HDAC11: variants seen among roughly 807,000 people sequenced by gnomAD.
HDAC11 encodes histone deacetylase 11.
HDAC11 carries 23 observed loss-of-function variants against 41.1 expected under a neutral mutation model. The observed-to-expected ratio is 0.56, with a 90% CI of 0.40 to 0.79. HDAC11 has a LOEUF of 0.79. Among genes scored for constraint, HDAC11 ranks in the 30% least tolerant of loss-of-function variants. The pLI is 0.00. For missense variants in HDAC11, 402 were observed against 477.3 expected (o/e 0.84, Z 1.47); for synonymous variants, 187 against 186.6 (o/e 1.00, Z -0.02).
In HDAC11 at chr3:13,481,286, C is replaced by G. The variant is rs771994397; in HGVS notation, c.43C>G (p.Arg15Gly). 1 of 1,612,722 alleles carries G rather than the reference C, an allele frequency of 6.2e-7. No individual in the cohort carries two copies. The highest frequency in any genetic ancestry group is 8.5e-7 in the Non-Finnish European group (1 of 1,180,002). Reference protein sequence around the residue: ...TQLYQHVPETRWPIVYSPRYN... With the variant: ...TQLYQHVPETGWPIVYSPRYN... ...GCTGTACCAGCATGTGCCAGAGACA[C>G]GCTGGCCAATCGTGTACTCGCCGCG... Residue 15 changes from arginine to glycine, a missense_variant, in exon 2 of 10, where the codon CGC becomes GGC. Arg to Gly is a moderately radical substitution (Grantham distance 125). Coordinates refer to ENST00000295757, the MANE Select transcript of HDAC11 (RefSeq NM_024827.4).
At chr3:13,493,624 G>A (rs1701961725) in intron 3 of HDAC11, among the ~76,000 whole-genome samples, 1 of 152,274 alleles carries the variant, frequency 6.6e-6, no homozygotes, top group African/African-American at 2.4e-5. Flanking sequence ...GGTCTAGGGT[G>A]TTGGCAACCA....
Position 13,504,508 on chromosome 3 carries a change from G to A in HDAC11, c.869G>A (p.Arg290His), listed in dbSNP as rs753220024. The change falls in exon 10 of 10, where the codon CGT (arginine) becomes CAT (histidine). Residue 290 changes from arginine (R) to histidine (H), a missense_variant. By Grantham distance (29) the Arg-to-His change is conservative. Transcript: ENST00000295757. ...GATGAGCTGGTGTTCCGGATGGTCCGTGGCCGCCGGGTGCCCATCCTTATG... is the reference window on the plus strand; with the variant it reads ...GATGAGCTGGTGTTCCGGATGGTCCATGGCCGCCGGGTGCCCATCCTTATG... ...KRDELVFRMV[R>H]GRRVPILMVT... The A allele has an allele frequency of 1.9e-6, 3 of 1,613,442 alleles. No homozygotes were observed. Among genetic ancestry groups the A allele is most frequent in the South Asian group, 1.1e-5 (1 of 91,084 alleles).
chr3:13,491,068 TTGTG>T (rs58333021), intron 3 of HDAC11, among the ~76,000 whole-genome samples: 32,315 of 140,014 alleles, frequency 0.23, 3,986 homozygotes, highest in East Asian at 0.44. Context: ...GCTTTAATAG[TTGTG>T]TGTGTGTGTG....
chr3:13,480,419 G>A lies in HDAC11; in HGVS notation c.2+70G>A. On this transcript the variant is annotated intron_variant, in intron 1 of 9. Coordinates refer to ENST00000295757, the MANE Select transcript of HDAC11 (RefSeq NM_024827.4). This position sits in a 1 kb window ranked among gnomAD's most constrained non-coding sequence, Gnocchi z 4.6. ...CGGTGGGCGGGCGCGCTAGGGCGAGGGCGGGGACGGCCGGGCGGGCGCGCC... is the reference window on the plus strand; with the variant it reads ...CGGTGGGCGGGCGCGCTAGGGCGAGAGCGGGGACGGCCGGGCGGGCGCGCC... 1 of 992,454 alleles carries A rather than the reference G, an allele frequency of 1.0e-6. No individual in the cohort carries two copies. The allele number at this position is 992,454 out of a possible 1,614,324, so 61.5% of individuals were successfully genotyped here. A position where few individuals can be genotyped will look rare whatever the true frequency, so the allele number is the denominator to read the frequency against.
chr3:13,498,048 G>A (rs1245058853), intron 4 of HDAC11, among the ~76,000 whole-genome samples: 1 of 151,784 alleles, frequency 6.6e-6, no homozygotes, highest in African/African-American at 2.4e-5. Flanking sequence ...TAGAGACGGG[G>A]TTTCACCATG....
chr3:13,490,690 T>G (rs1435632431), intron 3 of HDAC11, among the ~76,000 whole-genome samples: 1 of 151,954 alleles, frequency 6.6e-6, no homozygotes. Flanking sequence ...CTGATTTTTT[T>G]GTGTTGATCT....
chr3:13,496,251 G>A (rs541750365), intron 3 of HDAC11, among the ~76,000 whole-genome samples: 2 of 152,332 alleles, frequency 1.3e-5, no homozygotes, highest in African/African-American at 2.4e-5. Context: ...GGACAAAGAG[G>A]CAATGCAGTG....
intron 3 of HDAC11, among the ~76,000 whole-genome samples, chr3:13,485,660 C>T (rs1701525100): frequency 6.6e-6 from 1 of 152,152 alleles, no homozygotes; most frequent in South Asian, 2.1e-4. Flanking sequence ...TAGTGGCATG[C>T]ACTTGTAGTC....
chr3:13,492,904 A>G (rs1701930538), intron 3 of HDAC11, among the ~76,000 whole-genome samples: 1 of 152,204 alleles, frequency 6.6e-6, no homozygotes, highest in African/African-American at 2.4e-5. Flanking sequence ...TTCCACCTCT[A>G]AGTCCTCATC....
In HDAC11 at chr3:13,501,951, G is replaced by T; in HGVS notation, c.552+18G>T. 6.2e-7 allele frequency: 1 copy of T among 1,611,388 alleles called. No homozygotes were observed. Among genetic ancestry groups the T allele is most frequent in the Non-Finnish European group, 8.5e-7 (1 of 1,177,768 alleles). Reference sequence around the variant, plus strand: ...CCCATCAGGTGAGTGCCCTGCAGGGGCTGGACTCTTAGGGGACCTGCCACC... The same window carrying T: ...CCCATCAGGTGAGTGCCCTGCAGGGTCTGGACTCTTAGGGGACCTGCCACC... On this transcript the variant is annotated intron_variant, in intron 7 of 9. Transcript: ENST00000295757.
At chr3:13,486,876 G>A (rs73140245) in intron 3 of HDAC11, among the ~76,000 whole-genome samples, 6,422 of 152,232 alleles carry the variant, frequency 0.042, 423 homozygotes, top group East Asian at 0.27. Flanking sequence ...ACTGCTCCTG[G>A]CCCTCATGTA....
At chr3:13,481,513 C>A in intron 2 of HDAC11, 119 bp downstream of exon 2, 1 of 1,125,464 alleles carries the variant, frequency 8.9e-7, no homozygotes, top group South Asian at 1.4e-5. Context: ...CCTCGGATGG[C>A]CTTCCACCCA....
At chr3:13,489,429 T>C (rs1701745572) in intron 3 of HDAC11, among the ~76,000 whole-genome samples, 1 of 152,264 alleles carries the variant, frequency 6.6e-6, no homozygotes, top group Non-Finnish European at 1.5e-5. Context: ...CATTGTTTTG[T>C]ACTCAGATAT....
At chr3:13,490,736 AT>A (rs796300897) in intron 3 of HDAC11, among the ~76,000 whole-genome samples, 1,532 of 75,602 alleles carry the variant, frequency 0.02, 28 homozygotes, top group African/African-American at 0.069. Flanking sequence ...GTTTCTTAGC[AT>A]TTTTTTCTTT....
At chr3:13,487,788 C>A (rs942509634) in intron 3 of HDAC11, among the ~76,000 whole-genome samples, 1 of 152,104 alleles carries the variant, frequency 6.6e-6, no homozygotes, top group Non-Finnish European at 1.5e-5. Context: ...AAGACCACAT[C>A]CCTTTCCTGC....
chr3:13,483,510 C>G lies in HDAC11; in HGVS notation c.198C>G (p.Ala66=), dbSNP rs774950282. ...GCATGCTGGTGGAGGCGCGGGAGGC[C>G]TCGGAGGAGGACCTGCTGGTGGTGC... ...SDSMLVEARE[A]SEEDLLVVHT... is the part of the protein sequence containing the mutation. Residue 66 remains alanine, a synonymous_variant, in exon 3 of 10, where the codon GCC becomes GCG. Transcript: ENST00000295757. 7.9e-5 allele frequency: 127 copies of G among 1,613,850 alleles called. No individual in the cohort carries two copies. In the East Asian group the frequency reaches 1.6e-3, roughly 21 times the overall value.
intron 3 of HDAC11, among the ~76,000 whole-genome samples, chr3:13,490,337 G>T (rs951593028): frequency 2.0e-5 from 3 of 152,120 alleles, no homozygotes; most frequent in Non-Finnish European, 4.4e-5. Flanking sequence ...GAGGTCCCTT[G>T]AGATTCCATG....
chr3:13,498,414 G>T, intron 4 of HDAC11, 99 bp from the exon 5 acceptor site: 1 of 1,451,846 alleles, frequency 6.9e-7, no homozygotes, highest in South Asian at 1.2e-5. Flanking sequence ...CCCCAGAGCT[G>T]GCTAGAAGCA....
intron 6 of HDAC11, among the ~76,000 whole-genome samples, chr3:13,501,070 A>G (rs1051881801): frequency 6.6e-6 from 1 of 152,218 alleles, no homozygotes; most frequent in African/African-American, 2.4e-5. Flanking sequence ...CTGTATAGCC[A>G]CATATTAAGT....
Sources: gnomAD v4.1 joint callset for allele counts (sites outside exome capture counted in the v4.1 genomes callset) on GRCh38, gnomAD v4.1.1 for gene constraint, Gnocchi (gnomAD v3.1) non-coding constraint, MANE v1.5 for transcripts, NCBI Gene and HGNC (gene_info 2026-07-23, HGNC 2026-07-21) for gene names.